The following DNAH5 variants were observed in gnomAD, a reference collection of about 807,000 sequenced individuals.
DNAH5 encodes axonemal beta dynein heavy chain 5.
In DNAH5, 372 loss-of-function variants were observed where a neutral mutation model predicts 518.2. The observed-to-expected ratio is 0.72, with a 90% confidence interval of 0.66 to 0.78. The LOEUF (loss-of-function observed/expected upper bound fraction) is 0.78, where lower values mean the gene tolerates loss of function less well. Ranked by LOEUF, DNAH5 falls within the 30% of genes least tolerant of loss-of-function variation. DNAH5 has a pLI of 0.00. For missense variants in DNAH5, 5,523 were observed against 5,687.0 expected, an observed-to-expected ratio of 0.97 and a Z score of 0.93; for synonymous variants, 2,039 against 2,025.9, an observed-to-expected ratio of 1.01 and a Z score of -0.17.
intron 1 of DNAH5, among the ~76,000 whole-genome samples, chr5:13,958,632 G>C (rs978529480): frequency 1.3e-5 from 2 of 152,126 alleles, no homozygotes; most frequent in Non-Finnish European, 2.9e-5. Flanking sequence ...TTCGTAAAAA[G>C]TAAAATTAAC....
intron 65 of DNAH5, among the ~76,000 whole-genome samples, chr5:13,741,084 T>G (rs758721352): frequency 1.3e-5 from 2 of 152,196 alleles, no homozygotes; most frequent in Non-Finnish European, 2.9e-5. Flanking sequence ...CACAGTGAAC[T>G]GGAAAATCTA....
rs1765188326 is a variant in DNAH5 at position 13,841,699 on chromosome 5, G to A, written c.5477C>T (p.Pro1826Leu). The A allele has an allele frequency of 6.2e-7, 1 of 1,611,240 alleles. No individual in the cohort carries two copies. Among genetic ancestry groups the A allele is most frequent in the Non-Finnish European group, 8.5e-7 (1 of 1,177,550 alleles). The change falls in exon 33 of 79, where the codon CCT becomes CTT. Residue 1826 changes from proline (P) to leucine (L), a missense_variant. This residue lies in a region of DNAH5 where 5,121 missense variants were observed against 5,223.3 expected (regional missense o/e 0.98). Transcript: ENST00000265104. ...FQLTEFLSSF[P>L]AQVGLLGIQM... ...AAATTTCAATACACTGACCTGAGCA[G>A]GGAAGGATGAAAGAAATTCAGTTAG...
intron 43 of DNAH5, among the ~76,000 whole-genome samples, chr5:13,813,423 G>A (rs1257179295): frequency 1.4e-5 from 2 of 145,740 alleles, no homozygotes; most frequent in South Asian, 2.2e-4. Flanking sequence ...TCCAAGCCTG[G>A]CTATGTGAAA....
intron 70 of DNAH5, among the ~76,000 whole-genome samples, chr5:13,724,937 A>C (rs2126550573): frequency 6.6e-6 from 1 of 152,290 alleles, no homozygotes; most frequent in East Asian, 1.9e-4. Flanking sequence ...TTTCTTTATA[A>C]ATTACCCAGT....
At chr5:13,897,190 A>G (rs989495243) in intron 15 of DNAH5, among the ~76,000 whole-genome samples, 5 of 152,230 alleles carry the variant, frequency 3.3e-5, no homozygotes, top group African/African-American at 7.2e-5. Context: ...CACAATTTCT[A>G]TAAGATTCTT....
At chr5:13,999,211 A>G (rs1315504678) in intron 1 of DNAH5, among the ~76,000 whole-genome samples, 1 of 150,682 alleles carries the variant, frequency 6.6e-6, no homozygotes, top group African/African-American at 2.5e-5. Flanking sequence ...TTACTGTAGT[A>G]AGAACATTTA....
At chr5:13,931,044 G>A in intron 2 of DNAH5, 66 bp downstream of exon 2, 2 of 1,611,426 alleles carry the variant, frequency 1.2e-6, no homozygotes, top group East Asian at 4.5e-5. Context: ...TCCTGCCACA[G>A]GACTGTGTCA....
intron 59 of DNAH5, among the ~76,000 whole-genome samples, chr5:13,763,502 A>G (rs1291890631): frequency 6.6e-6 from 1 of 152,260 alleles, no homozygotes; most frequent in Non-Finnish European, 1.5e-5. Flanking sequence ...ATAAAAATTT[A>G]AAATAGTAGC....
intron 68 of DNAH5, 106 bp from the exon 69 acceptor site, chr5:13,729,666 CT>C: frequency 8.2e-6 from 8 of 973,882 alleles, no homozygotes; most frequent in Non-Finnish European, 1.2e-5. Flanking sequence ...ACTACTTTCA[CT>C]TTTTTAAGCA....
At position 13,770,917 on chromosome 5, in the gene DNAH5, A is replaced by C. The variant is rs1239501306; in HGVS notation, c.9437T>G (p.Val3146Gly). ...DCSLEIKKEV[V>G]QCMGSFQDGV... is the part of the protein sequence containing the mutation. ...ATCCTGGAAGGAGCCCATGCATTGGACCACCTCCTTCTTGATTTCCAAACT... is the reference window on the plus strand; with the variant it reads ...ATCCTGGAAGGAGCCCATGCATTGGCCCACCTCCTTCTTGATTTCCAAACT... The change falls in exon 56 of 79, where the codon GTC (valine) becomes GGC (glycine). Residue 3146 changes from valine (V) to glycine (G), a missense_variant. Physicochemically the swap from Val to Gly is moderately radical, Grantham distance 109. Transcript: ENST00000265104. 6.2e-7 allele frequency: 1 copy of C among 1,614,160 alleles called. No individual in the cohort carries two copies. The highest frequency in any genetic ancestry group is 8.5e-7 in the Non-Finnish European group (1 of 1,180,010).
At position 13,871,780 on chromosome 5, in the gene DNAH5, C is replaced by A; in HGVS notation, c.3397-15G>T. The A allele has an allele frequency of 6.2e-7, 1 of 1,607,266 alleles. No individual in the cohort carries two copies. The highest frequency in any genetic ancestry group is 1.3e-5 in the African/African-American group (1 of 74,842). Reference sequence around the variant, plus strand: ...GTAATAACTTCCTGAATGCAAATAACAGATTTATGTTAAGAAGGAAGAATC... The same window carrying A: ...GTAATAACTTCCTGAATGCAAATAAAAGATTTATGTTAAGAAGGAAGAATC... On this transcript the variant is annotated splice_polypyrimidine_tract_variant and intron_variant, in intron 22 of 78. Coordinates refer to ENST00000265104, the MANE Select transcript of DNAH5 (RefSeq NM_001369.3).
At chr5:13,796,236 A>C (rs1757797775) in intron 47 of DNAH5, among the ~76,000 whole-genome samples, 1 of 152,206 alleles carries the variant, frequency 6.6e-6, no homozygotes, top group African/African-American at 2.4e-5. Flanking sequence ...AGGGTATTCG[A>C]TTAGGAAATG....
chr5:13,728,968 G>T (rs1162822252), intron 69 of DNAH5, among the ~76,000 whole-genome samples: 1 of 152,060 alleles, frequency 6.6e-6, no homozygotes, highest in Non-Finnish European at 1.5e-5. Flanking sequence ...TCATACCCAG[G>T]TGCCTAACTA....
intron 75 of DNAH5, among the ~76,000 whole-genome samples, chr5:13,713,246 T>TATATATGTATATACCGAC (rs1743772950): frequency 6.8e-6 from 1 of 146,570 alleles, no homozygotes; most frequent in Non-Finnish European, 1.5e-5. Context: ...TATACCAACA[T>TATATATGTATATACCGAC]ATATATATAC....
At position 13,829,558 on chromosome 5, in the gene DNAH5, C is replaced by T; in HGVS notation, c.6396G>A (p.Arg2132=). Reference sequence around the variant, plus strand: ...ACAGTTTGTAGAGCGTGAAAAACTTCCTGGCCAAAACAACGTTGTCAATGA... The same window carrying T: ...ACAGTTTGTAGAGCGTGAAAAACTTTCTGGCCAAAACAACGTTGTCAATGA... The part of the protein sequence containing the change: ...CGFIDNVVLA[R]KFFTLYKLCE... Residue 2132 remains arginine, a synonymous_variant, in exon 38 of 79, where the codon AGG becomes AGA. Transcript: ENST00000265104. 6.2e-7 allele frequency: 1 copy of T among 1,614,190 alleles called. No homozygotes were observed. The highest frequency in any genetic ancestry group is 2.2e-5 in the East Asian group (1 of 44,872).
chr5:13,713,476 G>GATAT (rs1159103467), intron 75 of DNAH5, among the ~76,000 whole-genome samples: 2 of 66,256 alleles, frequency 3.0e-5, no homozygotes, highest in South Asian at 4.7e-4. Context: ...TACACACACC[G>GATAT]ATATATATAT....
chr5:13,838,538 C>T (rs964570158), intron 35 of DNAH5, among the ~76,000 whole-genome samples: 1 of 152,144 alleles, frequency 6.6e-6, no homozygotes, highest in African/African-American at 2.4e-5. Context: ...CCACTCCTTA[C>T]AAGAATCTAA....
At chr5:13,975,216 C>T (rs1307126396) in intron 1 of DNAH5, among the ~76,000 whole-genome samples, 3 of 152,140 alleles carry the variant, frequency 2.0e-5, no homozygotes, top group Non-Finnish European at 2.9e-5. Context: ...TCTCACATGG[C>T]GGCGGCAAGA....
rs1744689512 is a variant in DNAH5 at position 13,719,017 on chromosome 5, C to T, written c.12364G>A (p.Val4122Ile). 6.2e-7 allele frequency: 1 copy of T among 1,614,110 alleles called. No individual in the cohort carries two copies. Among genetic ancestry groups the T allele is most frequent in the Non-Finnish European group, 8.5e-7 (1 of 1,179,994 alleles). Residue 4122 changes from valine to isoleucine, a missense_variant, in exon 72 of 79, where the codon GTA becomes ATA. By Grantham distance (29) the Val-to-Ile change is conservative. Around this residue, in one of 3 missense-constraint regions of DNAH5, gnomAD observed 5,121 missense variants for 5,223.3 expected, o/e 0.98. Transcript: ENST00000265104. ...ATCCAGAGGCGGAACGCATCATGTACAAGCTCAGTTTCTATGATTATGTCC... is the reference window on the plus strand; with the variant it reads ...ATCCAGAGGCGGAACGCATCATGTATAAGCTCAGTTTCTATGATTATGTCC... ...LMDIIIETELVHDAFRLWMTT... is the reference protein window; with the variant it reads ...LMDIIIETELIHDAFRLWMTT...
Sources: allele counts gnomAD v4.1 joint callset (sites outside exome capture counted in the v4.1 genomes callset), GRCh38; gene constraint gnomAD v4.1.1; regional missense constraint gnomAD v4.1.1; transcripts MANE v1.5; gene names NCBI Gene and HGNC (gene_info 2026-07-23, HGNC 2026-07-21).